Variants in GPC5 observed in about 807,000 individuals in gnomAD.
GPC5 encodes the protein glypican 5.
In GPC5, 47 loss-of-function variants were observed where a neutral mutation model predicts 53.9. That is an observed-to-expected ratio of 0.87 (90% CI 0.69 to 1.11). The LOEUF is 1.11. Among genes scored for constraint, GPC5 ranks in the 50% most tolerant of loss-of-function variants. The probability of loss-of-function intolerance (pLI) is 0.00; values close to 1 mark genes in which losing one functional copy is unlikely to be tolerated. For synonymous variants in GPC5, 286 were observed against 263.3 expected (o/e 1.09, Z -0.84); for missense variants, 748 against 713.1 (o/e 1.05, Z -0.56).
At chr13:91,806,373 C>A (rs1383116744) in intron 5 of GPC5, among the ~76,000 whole-genome samples, 1 of 151,610 alleles carries the variant, frequency 6.6e-6, no homozygotes, top group African/African-American at 2.4e-5. Flanking sequence ...CTTATTTTTT[C>A]ATAGAATAGC....
chr13:92,359,475 G>C (rs548309610), intron 7 of GPC5, among the ~76,000 whole-genome samples: 8 of 151,404 alleles, frequency 5.3e-5, no homozygotes, highest in African/African-American at 2.0e-4. Flanking sequence ...AGTCCCAAAC[G>C]TGCATCCACA....
rs1566276694 is a variant in GPC5, at chr13:92,527,164, GAAAGAAAGAGAA to G, written c.1562-339116_1562-339105del. 6.5e-4 allele frequency among the ~76,000 whole-genome samples: 71 copies of G among 109,406 alleles called. 1 individual carries two copies. Among genetic ancestry groups the G allele is most frequent in the Non-Finnish European group, 9.9e-4 (51 of 51,496 alleles). The allele number at this position is 109,406 out of a possible 152,430, so 71.8% of individuals were successfully genotyped here. On this transcript the variant is annotated intron_variant, in intron 7 of 7. Coordinates refer to ENST00000377067, the MANE Select transcript of GPC5 (RefSeq NM_004466.6). ...AGAAAGAAAGAAAGAAAGAAAGAAA[GAAAGAAAGAGAA>G]AGAAAGAAGAAAGAAAGAAAGAAAG...
At chr13:92,660,423 A>ATG (rs1260136693) in intron 7 of GPC5, among the ~76,000 whole-genome samples, 7 of 152,052 alleles carry the variant, frequency 4.6e-5, no homozygotes, top group Non-Finnish European at 1.0e-4. Flanking sequence ...GTATGTATAT[A>ATG]TGTGTATATA....
At chr13:91,532,736 C>T (rs1048756612) in intron 2 of GPC5, among the ~76,000 whole-genome samples, 9 of 151,926 alleles carry the variant, frequency 5.9e-5, no homozygotes, top group East Asian at 1.9e-4. Flanking sequence ...CATGGTGGTG[C>T]GCACCTGTGG....
rs372932130 is a variant in GPC5, at chr13:92,411,876, T to C, written c.1561+266887T>C. On this transcript the variant is annotated intron_variant, in intron 7 of 7. Coordinates refer to ENST00000377067, the MANE Select transcript of GPC5 (RefSeq NM_004466.6). ...GTGTATTTATGTCCATTTACCGTTA[T>C]CTTTCTATTAGGTTGGTGCAAAAGT... Among the ~76,000 whole-genome samples the C allele has an allele frequency of 2.6e-3, 301 of 114,458 alleles. 3 individuals are homozygous for C. Among genetic ancestry groups the C allele is most frequent in the African/African-American group, 9.0e-3 (279 of 30,834 alleles). 75.1% of individuals were successfully genotyped at this position (114,458 alleles called of 152,430 possible). A position where few individuals can be genotyped will look rare whatever the true frequency, so the allele number is the denominator to read the frequency against.
chr13:91,511,222 T>A (rs1594188779), intron 2 of GPC5, among the ~76,000 whole-genome samples: 2 of 152,198 alleles, frequency 1.3e-5, no homozygotes, highest in East Asian at 3.8e-4. Context: ...CTGGCCTCAA[T>A]TATTTCAGTG....
At chr13:91,668,610 C>A (rs2035172446) in intron 2 of GPC5, among the ~76,000 whole-genome samples, 2 of 151,788 alleles carry the variant, frequency 1.3e-5, no homozygotes, top group South Asian at 4.2e-4. Flanking sequence ...GATGTATATT[C>A]TCTAAAAAAT....
chr13:91,833,677 G>A lies in GPC5; in HGVS notation c.1281-74260G>A, dbSNP rs149032200. Among the ~76,000 whole-genome samples the A allele has an allele frequency of 6.4e-3, 967 of 152,164 alleles. 7 individuals are homozygous for A. Among genetic ancestry groups the A allele is most frequent in the Non-Finnish European group, 8.8e-3 (597 of 67,992 alleles). ...CTCAATAGATGCAGAAAAAGTCTTC[G>A]ACAAAATTCAATACCCCTTCATGCT... On this transcript the variant is annotated intron_variant, in intron 5 of 7. Transcript: ENST00000377067.
chr13:91,847,076 G>A (rs912390686), intron 5 of GPC5, among the ~76,000 whole-genome samples: 19 of 151,846 alleles, frequency 1.3e-4, no homozygotes, highest in Middle Eastern at 3.4e-3. Context: ...AAAATTAGCC[G>A]GGTGCGGTGG....
At chr13:91,961,642 C>T (rs1454928923) in intron 6 of GPC5, among the ~76,000 whole-genome samples, 2 of 151,960 alleles carry the variant, frequency 1.3e-5, no homozygotes, top group African/African-American at 4.8e-5. Context: ...ACTCATATGT[C>T]CTCAAAAGTT....
At chr13:91,872,307 G>C (rs1420342124) in intron 5 of GPC5, among the ~76,000 whole-genome samples, 1 of 152,012 alleles carries the variant, frequency 6.6e-6, no homozygotes, top group Non-Finnish European at 1.5e-5. Context: ...AGAGTACTAA[G>C]AATTTCCACA....
chr13:92,007,589 T>A (rs1844266344), intron 6 of GPC5, among the ~76,000 whole-genome samples: 2 of 152,200 alleles, frequency 1.3e-5, no homozygotes. Context: ...ATCTCGGTCT[T>A]TATATTTAAA....
chr13:92,244,684 C>T (rs1349716587), intron 7 of GPC5, among the ~76,000 whole-genome samples: 1 of 152,072 alleles, frequency 6.6e-6, no homozygotes, highest in Non-Finnish European at 1.5e-5. Flanking sequence ...GTAACATTTT[C>T]CTCTAAAGCT....
intron 7 of GPC5, among the ~76,000 whole-genome samples, chr13:92,863,504 T>C (rs1385222859): frequency 6.6e-6 from 1 of 152,104 alleles, no homozygotes; most frequent in Non-Finnish European, 1.5e-5. Context: ...TCCCTTTACC[T>C]TATTTCGAGA....
intron 7 of GPC5, among the ~76,000 whole-genome samples, chr13:92,602,905 G>A (rs1373239899): frequency 1.3e-5 from 2 of 152,012 alleles, no homozygotes; most frequent in Admixed American, 6.6e-5. Flanking sequence ...AGCCACATGA[G>A]GTGTAGTCTG....
chr13:92,113,469 T>C (rs574260864), intron 6 of GPC5, among the ~76,000 whole-genome samples: 1 of 152,190 alleles, frequency 6.6e-6, no homozygotes, highest in African/African-American at 2.4e-5. Flanking sequence ...GGCTTGACTT[T>C]CCTCTGTCAG....
chr13:92,789,764 T>C lies in GPC5; in HGVS notation c.1562-76518T>C, dbSNP rs140128043. On this transcript the variant is annotated intron_variant, in intron 7 of 7. Transcript: ENST00000377067. ...GGGTTCTCTAGAGGCACAGAACTAA[T>C]AGGATAGATGTATATATGAAAGGGA... 1.1e-3 allele frequency among the ~76,000 whole-genome samples: 162 copies of C among 152,114 alleles called. 1 individual carries two copies. The highest frequency in any genetic ancestry group is 4.5e-3 in the Admixed American group (68 of 15,264).
At chr13:92,490,532 T>C (rs570334096) in intron 7 of GPC5, among the ~76,000 whole-genome samples, 2 of 152,114 alleles carry the variant, frequency 1.3e-5, no homozygotes, top group Non-Finnish European at 2.9e-5. Context: ...TTAATGGTTG[T>C]ATAATAGTAA....
chr13:91,667,318 A>G (rs1167122565), intron 2 of GPC5, among the ~76,000 whole-genome samples: 4 of 152,164 alleles, frequency 2.6e-5, no homozygotes, highest in African/African-American at 4.8e-5. Context: ...GTGTGTGGGT[A>G]TGTGTGTAAT....
Sources: gnomAD v4.1 joint callset for allele counts (sites outside exome capture counted in the v4.1 genomes callset) on GRCh38, gnomAD v4.1.1 for gene constraint, MANE v1.5 for transcripts, NCBI Gene and HGNC (gene_info 2026-07-23, HGNC 2026-07-21) for gene names.